TBC1D22A: variants seen among roughly 807,000 people sequenced by gnomAD.
TBC1D22A encodes putative GTPase activator.
A neutral mutation model predicts 60.2 loss-of-function variants in TBC1D22A; 38 were observed. The observed-to-expected ratio is 0.63, with a 90% CI of 0.49 to 0.83. The LOEUF (loss-of-function observed/expected upper bound fraction) is 0.83. Ranked by LOEUF, TBC1D22A falls within the 40% of genes least tolerant of loss-of-function variation. TBC1D22A has a pLI of 0.00. For synonymous variants in TBC1D22A, 302 were observed against 281.7 expected (o/e 1.07, Z -0.72); for missense variants, 628 against 701.0 (o/e 0.90, Z 1.18).
chr22:46,894,900 C>G (rs1602353912), intron 7 of TBC1D22A, 54 bp downstream of exon 7: 2 of 1,594,886 alleles, frequency 1.3e-6, no homozygotes, highest in South Asian at 1.1e-5. Context: ...CTGATGCCCA[C>G]TGTGCTAACC....
At chr22:47,015,955 GC>G (rs1366766350) in intron 10 of TBC1D22A, among the ~76,000 whole-genome samples, 1 of 152,166 alleles carries the variant, frequency 6.6e-6, no homozygotes, top group Non-Finnish European at 1.5e-5. Context: ...GGCCCCTGCA[GC>G]CCCCTACCTG....
At chr22:46,894,676 G>A (rs1379408990) in intron 6 of TBC1D22A, 108 bp from the exon 7 acceptor site, 1 of 1,280,536 alleles carries the variant, frequency 7.8e-7, no homozygotes, top group Non-Finnish European at 1.1e-6. Flanking sequence ...GAGAGAGCGG[G>A]GTAGAGGCCG....
chr22:46,929,766 AAAC>A (rs1431271973), intron 8 of TBC1D22A, among the ~76,000 whole-genome samples: 8 of 152,114 alleles, frequency 5.3e-5, no homozygotes, highest in African/African-American at 1.7e-4. Context: ...ATGTGTGGTA[AAAC>A]AACAATTGAA....
chr22:47,123,175 G>A (rs2147094502), intron 12 of TBC1D22A, among the ~76,000 whole-genome samples: 1 of 152,204 alleles, frequency 6.6e-6, no homozygotes, highest in Admixed American at 6.5e-5. Context: ...TTTACTCCTG[G>A]CCACCCAGCC....
At chr22:47,170,691 A>G (rs867241249) in intron 12 of TBC1D22A, among the ~76,000 whole-genome samples, 19 of 137,286 alleles carry the variant, frequency 1.4e-4, no homozygotes, top group African/African-American at 5.6e-4. Flanking sequence ...GAGAGAGGAC[A>G]GTCCTGGTGT....
At chr22:46,809,555 C>G (rs979600721) in intron 4 of TBC1D22A, among the ~76,000 whole-genome samples, 1 of 152,050 alleles carries the variant, frequency 6.6e-6, no homozygotes, top group Non-Finnish European at 1.5e-5. Context: ...TAAGAATAAC[C>G]ACATCCCCTG....
At chr22:47,020,502 A>G (rs2062049735) in intron 10 of TBC1D22A, among the ~76,000 whole-genome samples, 1 of 151,882 alleles carries the variant, frequency 6.6e-6, no homozygotes, top group Non-Finnish European at 1.5e-5. Context: ...TTCCTTCTCC[A>G]TTTAAAACAA....
intron 4 of TBC1D22A, among the ~76,000 whole-genome samples, chr22:46,862,734 A>C (rs2087970576): frequency 6.6e-6 from 1 of 151,812 alleles, no homozygotes; most frequent in Admixed American, 6.6e-5. Context: ...AGCCATAGAG[A>C]AGCAGAGAGG....
At chr22:47,109,840 C>G (rs2065782257) in intron 11 of TBC1D22A, among the ~76,000 whole-genome samples, 1 of 152,032 alleles carries the variant, frequency 6.6e-6, no homozygotes, top group Non-Finnish European at 1.5e-5. Flanking sequence ...ACAAGCTTGC[C>G]TGCTCCGTCT....
At chr22:46,867,547 A>T (rs111973072) in intron 4 of TBC1D22A, among the ~76,000 whole-genome samples, 3,140 of 152,372 alleles carry the variant, frequency 0.021, 120 homozygotes, top group African/African-American at 0.072. Flanking sequence ...CCATTGGAAG[A>T]AGTGGATATC....
intron 12 of TBC1D22A, among the ~76,000 whole-genome samples, chr22:47,124,713 C>T (rs866781828): frequency 1.1e-4 from 16 of 151,772 alleles, no homozygotes; most frequent in South Asian, 4.2e-4. Context: ...GGGGGACAGA[C>T]GGGGGGCTTC....
At chr22:47,080,685 T>C (rs1199858003) in intron 11 of TBC1D22A, among the ~76,000 whole-genome samples, 1 of 151,884 alleles carries the variant, frequency 6.6e-6, no homozygotes, top group Non-Finnish European at 1.5e-5. Context: ...TTTTAGTTTT[T>C]ACCTTCAGAA....
chr22:47,104,762 A>G (rs903865027), intron 11 of TBC1D22A, among the ~76,000 whole-genome samples: 1 of 152,036 alleles, frequency 6.6e-6, no homozygotes, highest in Non-Finnish European at 1.5e-5. Flanking sequence ...CAGCCACTAT[A>G]AGACTTCAAA....
intron 10 of TBC1D22A, among the ~76,000 whole-genome samples, chr22:47,025,769 G>C (rs543599967): frequency 6.6e-6 from 1 of 152,242 alleles, no homozygotes; most frequent in South Asian, 2.1e-4. Flanking sequence ...ATAGTATAGA[G>C]TGCGTGGCAA....
chr22:47,026,031 C>T (rs1481895908), intron 10 of TBC1D22A, among the ~76,000 whole-genome samples: 2 of 152,330 alleles, frequency 1.3e-5, no homozygotes, highest in African/African-American at 4.8e-5. Context: ...TCCAACAGTA[C>T]ACATCCCGAT....
intron 4 of TBC1D22A, among the ~76,000 whole-genome samples, chr22:46,872,633 A>G (rs1008166914): frequency 6.6e-6 from 1 of 152,224 alleles, no homozygotes; most frequent in Admixed American, 6.5e-5. Flanking sequence ...TGCAGTTGCC[A>G]AGCAGCAGCA....
At chr22:47,010,312 C>T (rs190318807) in intron 10 of TBC1D22A, among the ~76,000 whole-genome samples, 4 of 152,132 alleles carry the variant, frequency 2.6e-5, no homozygotes, top group Admixed American at 6.5e-5. Flanking sequence ...GCAGCCAGGC[C>T]GGGGAACAGG....
At chr22:47,082,632 C>T (rs146987811) in intron 11 of TBC1D22A, among the ~76,000 whole-genome samples, 127 of 152,334 alleles carry the variant, frequency 8.3e-4, no homozygotes, top group African/African-American at 2.8e-3. Context: ...AAAAAGTACT[C>T]AACCTTATTA....
intron 4 of TBC1D22A, among the ~76,000 whole-genome samples, chr22:46,850,439 T>A (rs1382205583): frequency 6.6e-6 from 1 of 152,210 alleles, no homozygotes; most frequent in East Asian, 1.9e-4. Context: ...GGGAAATAAC[T>A]ATTATCCCAT....
Sources: allele counts gnomAD v4.1 joint callset (sites outside exome capture counted in the v4.1 genomes callset), GRCh38; gene constraint gnomAD v4.1.1; transcripts MANE v1.5; gene names NCBI Gene and HGNC (gene_info 2026-07-23, HGNC 2026-07-21).